ST8SIA1: variants seen among roughly 807,000 people sequenced by gnomAD.
The protein encoded by ST8SIA1 is alpha-N-acetylneuraminide alpha-2,8-sialyltransferase.
In ST8SIA1, 16 loss-of-function variants were observed where a neutral mutation model predicts 35.9. The ratio of observed to expected loss-of-function variants is 0.45; its 90% confidence interval spans 0.30 to 0.68. ST8SIA1 has a LOEUF of 0.68. Ranked by LOEUF, ST8SIA1 falls within the 30% of genes least tolerant of loss-of-function variation. The pLI is 0.09. For missense variants in ST8SIA1, 383 were observed against 453.6 expected (o/e 0.84, Z 1.41); for synonymous variants, 170 against 169.6 (o/e 1.00, Z -0.02).
rs1865811898 is a variant in ST8SIA1 at position 22,263,238 on chromosome 12, G to C, written c.382-7849C>G. On this transcript the variant is annotated intron_variant, in intron 2 of 4. Coordinates refer to ENST00000396037, the MANE Select transcript of ST8SIA1 (RefSeq NM_003034.4). The stretch of plus-strand genomic sequence containing the variant: ...CTCTAGCTTTTGAAGACGACAACAG[G>C]AGTCTCCGTGTTTTAAGTTTAATAT... 2.0e-5 allele frequency among the ~76,000 whole-genome samples: 3 copies of C among 152,282 alleles called. No homozygotes were observed. The South Asian group carries it at 6.2e-4, about 32-fold the overall frequency.
chr12:22,242,782 G>T (rs1865554988), intron 4 of ST8SIA1, among the ~76,000 whole-genome samples: 1 of 152,100 alleles, frequency 6.6e-6, no homozygotes, highest in South Asian at 2.1e-4. Flanking sequence ...GCCAGCAAAG[G>T]AAGAAAAAGG....
At chr12:22,219,398 AG>A (rs1354237524) in intron 4 of ST8SIA1, among the ~76,000 whole-genome samples, 1 of 152,200 alleles carries the variant, frequency 6.6e-6, no homozygotes, top group Non-Finnish European at 1.5e-5. Flanking sequence ...GTGTGAAGAC[AG>A]GGATCCTTCT....
intron 1 of ST8SIA1, among the ~76,000 whole-genome samples, chr12:22,304,033 GC>G (rs1223025628): frequency 1.3e-5 from 2 of 152,172 alleles, no homozygotes; most frequent in Non-Finnish European, 2.9e-5. Flanking sequence ...GTCGTCTCAC[GC>G]TGCTGTTCCA....
At chr12:22,292,081 A>G (rs1258736437) in intron 1 of ST8SIA1, among the ~76,000 whole-genome samples, 1 of 152,120 alleles carries the variant, frequency 6.6e-6, no homozygotes, top group Non-Finnish European at 1.5e-5. Context: ...ACTATATTTA[A>G]TTTTCAGTTA....
intron 4 of ST8SIA1, among the ~76,000 whole-genome samples, chr12:22,221,396 A>T (rs1865299602): frequency 6.6e-6 from 1 of 152,260 alleles, no homozygotes; most frequent in African/African-American, 2.4e-5. Context: ...GTTGAGATGC[A>T]AAAAGAGAAA....
chr12:22,236,754 T>C (rs1311528253), intron 4 of ST8SIA1, among the ~76,000 whole-genome samples: 4 of 152,186 alleles, frequency 2.6e-5, no homozygotes, highest in African/African-American at 9.7e-5. Flanking sequence ...TAGAGTAATG[T>C]TTGATCTGAT....
At chr12:22,286,600 C>A in intron 2 of ST8SIA1, 1 of 479,684 alleles carries the variant, frequency 2.1e-6, no homozygotes, top group Non-Finnish European at 4.1e-6. Context: ...TTTCAATGCC[C>A]AGAAAACCAA....
At chr12:22,278,224 T>C (rs191067047) in intron 2 of ST8SIA1, among the ~76,000 whole-genome samples, 26 of 152,350 alleles carry the variant, frequency 1.7e-4, no homozygotes, top group Admixed American at 1.6e-3. Context: ...AATTCTAACC[T>C]TGATGTTATT....
At chr12:22,215,740 C>G (rs190751520) in intron 4 of ST8SIA1, among the ~76,000 whole-genome samples, 14 of 152,328 alleles carry the variant, frequency 9.2e-5, no homozygotes, top group African/African-American at 3.1e-4. Flanking sequence ...TTTTCTGTAA[C>G]TTCTACATCC....
intron 2 of ST8SIA1, chr12:22,268,450 C>T (rs894323349): frequency 1.6e-4 from 25 of 152,212 alleles, no homozygotes; most frequent in African/African-American, 5.8e-4. Context: ...TGTTTTCACA[C>T]TACTAATAAA....
At chr12:22,294,092 A>T (rs1866214414) in intron 1 of ST8SIA1, among the ~76,000 whole-genome samples, 1 of 151,968 alleles carries the variant, frequency 6.6e-6, no homozygotes, top group South Asian at 2.1e-4. Flanking sequence ...TTTCTATATG[A>T]TCTAGAACAA....
intron 2 of ST8SIA1, among the ~76,000 whole-genome samples, chr12:22,276,919 T>C (rs10841984): frequency 0.29 from 43,284 of 151,866 alleles, 6,460 homozygotes; most frequent in Middle Eastern, 0.39. Flanking sequence ...GACTTGTACC[T>C]GAGTCACCCA....
intron 4 of ST8SIA1, among the ~76,000 whole-genome samples, chr12:22,246,274 T>C (rs557976589): frequency 5.9e-5 from 9 of 152,150 alleles, no homozygotes; most frequent in Admixed American, 2.0e-4. Context: ...TGCTGCAGAA[T>C]TGATTGCTTG....
At chr12:22,321,817 C>T (rs1286617991) in intron 1 of ST8SIA1, among the ~76,000 whole-genome samples, 1 of 152,192 alleles carries the variant, frequency 6.6e-6, no homozygotes, top group African/African-American at 2.4e-5. Flanking sequence ...CTCAGCTCAC[C>T]AGAGTCTTGC....
intron 1 of ST8SIA1, among the ~76,000 whole-genome samples, chr12:22,317,324 T>C (rs1361347652): frequency 6.6e-6 from 1 of 152,238 alleles, no homozygotes; most frequent in Non-Finnish European, 1.5e-5. Context: ...GGTTATCTAT[T>C]ATGATATAAC....
At chr12:22,327,012 T>C (rs1866690297) in intron 1 of ST8SIA1, among the ~76,000 whole-genome samples, 1 of 152,138 alleles carries the variant, frequency 6.6e-6, no homozygotes. Context: ...CTAAAACACT[T>C]TGCTCTCAAA....
At chr12:22,249,783 C>G (rs997558034) in intron 3 of ST8SIA1, among the ~76,000 whole-genome samples, 1 of 152,146 alleles carries the variant, frequency 6.6e-6, no homozygotes. Context: ...AAGCTCAGGA[C>G]AGTGTGATAC....
chr12:22,260,202 C>T (rs1256368677), intron 2 of ST8SIA1, among the ~76,000 whole-genome samples: 1 of 150,954 alleles, frequency 6.6e-6, no homozygotes, highest in Non-Finnish European at 1.5e-5. Flanking sequence ...TTCTGTGTCA[C>T]CCATGCTGAA....
At chr12:22,263,204 C>T (rs186014512) in intron 2 of ST8SIA1, among the ~76,000 whole-genome samples, 3 of 152,260 alleles carry the variant, frequency 2.0e-5, no homozygotes, top group Admixed American at 1.3e-4. Context: ...AACAGATATT[C>T]GAAATGTTCT....
Sources: gnomAD v4.1 joint callset for allele counts (sites outside exome capture counted in the v4.1 genomes callset) on GRCh38, gnomAD v4.1.1 for gene constraint, MANE v1.5 for transcripts, NCBI Gene and HGNC (gene_info 2026-07-23, HGNC 2026-07-21) for gene names.